Variants in CELF4 observed in about 807,000 individuals in gnomAD.
The protein encoded by CELF4 is CUG-BP- and ETR-3-like factor 4.
CELF4 carries 18 observed loss-of-function variants against 59.9 expected under a neutral mutation model. The ratio of observed to expected loss-of-function variants is 0.30; its 90% CI spans 0.21 to 0.45. CELF4 has a LOEUF of 0.45. Ranked by LOEUF, CELF4 falls within the 20% of genes least tolerant of loss-of-function variation. CELF4 has a pLI of 1.00. For missense variants in CELF4, 456 were observed against 689.0 expected, an observed-to-expected ratio of 0.66 and a Z score of 3.79; for synonymous variants, 261 against 267.1, an observed-to-expected ratio of 0.98 and a Z score of 0.22.
At chr18:37,324,536 T>C (rs572600548) in intron 2 of CELF4, among the ~76,000 whole-genome samples, 2 of 152,310 alleles carry the variant, frequency 1.3e-5, no homozygotes, top group African/African-American at 4.8e-5. Flanking sequence ...TACATTTCCG[T>C]TGTTTAAGCC....
At chr18:37,520,650 G>A (rs140232071) in intron 1 of CELF4, among the ~76,000 whole-genome samples, 13 of 152,248 alleles carry the variant, frequency 8.5e-5, no homozygotes, top group African/African-American at 2.6e-4. Flanking sequence ...GCTGGTTCCC[G>A]TAATCAAAAA....
chr18:37,504,469 A>G (rs1266897639), intron 1 of CELF4, among the ~76,000 whole-genome samples: 2 of 152,024 alleles, frequency 1.3e-5, no homozygotes, highest in Non-Finnish European at 2.9e-5. Context: ...AAAAAAAAAA[A>G]AAAAGGATGG....
Position 37,466,397 on chromosome 18 carries a change from T to C in CELF4, c.369+19128A>G, listed in dbSNP as rs556852913. On this transcript the variant is annotated intron_variant, in intron 2 of 12. Transcript: ENST00000420428. The stretch of plus-strand genomic sequence containing the variant: ...AAGGAAAAATGGAACTGTGGTATGC[T>C]GGGAGCTTCGATCTTCATGGGGTGG... 1.8e-4 allele frequency among the ~76,000 whole-genome samples: 20 copies of C among 110,068 alleles called. 1 individual carries two copies. In the South Asian group the frequency reaches 5.5e-3, roughly 30 times the overall value. 72.2% of individuals were successfully genotyped at this position (110,068 alleles called of 152,430 possible). A position where few individuals can be genotyped will look rare whatever the true frequency, so the allele number is the denominator to read the frequency against.
rs368233040 is a variant in CELF4, at chr18:37,273,038, G to A, written c.927C>T (p.Ala309=). ...MAALNMNGLA[A]APMTPTSGGS... Reference sequence around the variant, plus strand: ...CACCTGAGGTTGGGGTCATAGGTGCGGCCGCCAGGCCATTCATGTTGAGGG... The same window carrying A: ...CACCTGAGGTTGGGGTCATAGGTGCAGCCGCCAGGCCATTCATGTTGAGGG... The change falls in exon 7 of 13, where the codon GCC becomes GCT. Residue 309 remains alanine, a synonymous_variant. Transcript: ENST00000420428. 2.4e-4 allele frequency: 389 copies of A among 1,611,214 alleles called. No homozygotes were observed. Among genetic ancestry groups the A allele is most frequent in the Non-Finnish European group, 3.1e-4 (364 of 1,179,440 alleles).
intron 2 of CELF4, among the ~76,000 whole-genome samples, chr18:37,463,343 C>T (rs2154602247): frequency 6.6e-6 from 1 of 152,238 alleles, no homozygotes; most frequent in African/African-American, 2.4e-5. Context: ...TCCCCAGAGC[C>T]CTTGCTGGGC....
chr18:37,520,826 G>A (rs1030130219), intron 1 of CELF4, among the ~76,000 whole-genome samples: 4 of 152,198 alleles, frequency 2.6e-5, no homozygotes, highest in African/African-American at 9.7e-5. Flanking sequence ...CACAGTAGGT[G>A]TTCAGTCCAT....
chr18:37,541,812 T>C (rs1482495999), intron 1 of CELF4, among the ~76,000 whole-genome samples: 1 of 152,122 alleles, frequency 6.6e-6, no homozygotes, highest in African/African-American at 2.4e-5. Context: ...GTTTGGATCT[T>C]GGCTTCACTG....
chr18:37,277,094 C>A (rs1405320914), intron 3 of CELF4, among the ~76,000 whole-genome samples: 1 of 152,216 alleles, frequency 6.6e-6, no homozygotes, highest in African/African-American at 2.4e-5. Context: ...GGCCCCTGCC[C>A]TCCACAAGCC....
At chr18:37,288,604 A>C (rs2095043090) in intron 3 of CELF4, among the ~76,000 whole-genome samples, 1 of 152,304 alleles carries the variant, frequency 6.6e-6, no homozygotes, top group East Asian at 1.9e-4. Context: ...TCCAGCTCTC[A>C]TCTAACACGC....
In CELF4 at chr18:37,253,476, C is replaced by A. The variant is rs1327142415; in HGVS notation, c.*44+291G>T. Among the ~76,000 whole-genome samples the A allele has an allele frequency of 2.6e-5, 4 of 152,196 alleles. No homozygotes were observed. Among genetic ancestry groups the A allele is most frequent in the Non-Finnish European group, 5.9e-5 (4 of 68,024 alleles). On this transcript the variant is annotated intron_variant, in intron 12 of 12. Transcript: ENST00000420428. This position sits in a 1 kb window ranked among gnomAD's most constrained non-coding sequence, Gnocchi z 4.5. The stretch of plus-strand genomic sequence containing the variant: ...CCCCAGGGTTCTCTGGCCAACAGGA[C>A]TGCCAATGTAGACCCGGAGGCGCAG...
intron 10 of CELF4, among the ~76,000 whole-genome samples, chr18:37,262,919 C>G (rs1177738707): frequency 6.6e-6 from 1 of 152,214 alleles, no homozygotes; most frequent in Non-Finnish European, 1.5e-5. Context: ...TGGGCTGGGC[C>G]TTCCTGTGCA....
intron 2 of CELF4, among the ~76,000 whole-genome samples, chr18:37,347,279 C>T (rs868439992): frequency 8.5e-5 from 13 of 152,100 alleles, no homozygotes; most frequent in South Asian, 2.1e-4. Context: ...CCCCACGCCA[C>T]GCCCAAGTTG....
chr18:37,352,140 C>A (rs1209567879), intron 2 of CELF4, among the ~76,000 whole-genome samples: 2 of 152,192 alleles, frequency 1.3e-5, no homozygotes, highest in African/African-American at 2.4e-5. Context: ...ATTCTGAAAA[C>A]TGGGAATTTT....
chr18:37,321,250 A>G (rs1210370446), intron 3 of CELF4, among the ~76,000 whole-genome samples: 1 of 152,090 alleles, frequency 6.6e-6, no homozygotes, highest in East Asian at 1.9e-4. Flanking sequence ...TGGGCTCCAC[A>G]TTCTAGGACA....
At chr18:37,468,485 TCTC>T (rs1490639418) in intron 2 of CELF4, among the ~76,000 whole-genome samples, 1 of 151,872 alleles carries the variant, frequency 6.6e-6, no homozygotes, top group Non-Finnish European at 1.5e-5. Flanking sequence ...CTCCCAAGAT[TCTC>T]CTCCTGCCAC....
At chr18:37,382,425 C>T (rs1322191419) in intron 2 of CELF4, among the ~76,000 whole-genome samples, 1 of 152,230 alleles carries the variant, frequency 6.6e-6, no homozygotes, top group African/African-American at 2.4e-5. Context: ...AGGTCCATAA[C>T]CAAACCAGGC....
intron 1 of CELF4, among the ~76,000 whole-genome samples, chr18:37,488,989 C>T (rs1397083188): frequency 6.6e-6 from 1 of 152,214 alleles, no homozygotes; most frequent in African/African-American, 2.4e-5. Flanking sequence ...TGAACAGCCT[C>T]TACAGACTTC....
At chr18:37,264,574 T>G (rs2076491118) in intron 10 of CELF4, 100 bp downstream of exon 10, 1 of 973,328 alleles carries the variant, frequency 1.0e-6, no homozygotes, top group African/African-American at 1.6e-5. Flanking sequence ...ACAAACGTGG[T>G]CACCTTTCCA....
At chr18:37,316,084 C>T (rs1375849287) in intron 3 of CELF4, among the ~76,000 whole-genome samples, 1 of 152,112 alleles carries the variant, frequency 6.6e-6, no homozygotes, top group East Asian at 1.9e-4. Context: ...CATGGAGACT[C>T]CATTTAGAAG....
Sources: gnomAD v4.1 joint callset for allele counts (sites outside exome capture counted in the v4.1 genomes callset) on GRCh38, gnomAD v4.1.1 for gene constraint, Gnocchi (gnomAD v3.1) non-coding constraint, MANE v1.5 for transcripts, NCBI Gene and HGNC (gene_info 2026-07-23, HGNC 2026-07-21) for gene names.